PTPRQ: variants seen among roughly 807,000 people sequenced by gnomAD.
The protein encoded by PTPRQ is phosphatidylinositol phosphatase PTPRQ.
Under a neutral mutation model 246.0 loss-of-function variants are expected in PTPRQ, and 199 were observed. That is an observed-to-expected ratio of 0.81 (90% confidence interval 0.72 to 0.91). The LOEUF is 0.91. PTPRQ is among the 40% of genes least tolerant of loss of function. The probability of loss-of-function intolerance (pLI) is 0.00; values close to 1 mark genes in which losing one functional copy is unlikely to be tolerated. For synonymous variants in PTPRQ, 869 were observed against 853.2 expected, an observed-to-expected ratio of 1.02 and a Z score of -0.32; for missense variants, 2,624 against 2,528.4, an observed-to-expected ratio of 1.04 and a Z score of -0.81.
chr12:80,453,223 C>T (rs1334908678), intron 3 of PTPRQ, among the ~76,000 whole-genome samples: 3 of 152,180 alleles, frequency 2.0e-5, no homozygotes, highest in Non-Finnish European at 4.4e-5. Context: ...CCATCAGCTC[C>T]TTTAAGCACT....
chr12:80,565,582 C>G (rs773700740), intron 25 of PTPRQ, among the ~76,000 whole-genome samples: 31 of 152,062 alleles, frequency 2.0e-4, no homozygotes, highest in Non-Finnish European at 3.8e-4. Context: ...TTCTGGTAAC[C>G]ATATGACGTG....
Position 80,673,278 on chromosome 12 carries a change from G to A in PTPRQ, c.6712G>A (p.Glu2238Lys). 1 of 1,550,242 alleles carries A rather than the reference G, an allele frequency of 6.5e-7. No individual in the cohort carries two copies. Among genetic ancestry groups the A allele is most frequent in the Non-Finnish European group, 8.7e-7 (1 of 1,146,124 alleles). The change falls in exon 43 of 45, where the codon GAA (glutamate) becomes AAA (lysine). Residue 2238 changes from glutamate (E) to lysine (K), a missense_variant. Glu to Lys is a moderately conservative substitution (Grantham distance 56). Coordinates refer to ENST00000644991, the MANE Select transcript of PTPRQ (RefSeq NM_001145026.2). ...TGGACTAGTAGCTGAACTGAGAAGT[G>A]AAAGAATGTGCATGGTGCAGAATCT... is the stretch of plus-strand genomic sequence containing the variant. ...IYGLVAELRSERMCMVQNLAQ... is the reference protein window; with the variant it reads ...IYGLVAELRSKRMCMVQNLAQ...
chr12:80,589,792 G>GT (rs975521648), intron 26 of PTPRQ, among the ~76,000 whole-genome samples: 43 of 152,244 alleles, frequency 2.8e-4, no homozygotes, highest in African/African-American at 9.1e-4. Context: ...CTACCCTTCT[G>GT]TTTTTTCTCC....
At chr12:80,637,156 C>A (rs553377866) in intron 35 of PTPRQ, among the ~76,000 whole-genome samples, 1 of 151,872 alleles carries the variant, frequency 6.6e-6, no homozygotes, top group South Asian at 2.1e-4. Context: ...CTACTCCAGC[C>A]TGGGTGACAG....
intron 26 of PTPRQ, among the ~76,000 whole-genome samples, chr12:80,590,600 G>A (rs1038889788): frequency 2.0e-5 from 3 of 149,606 alleles, no homozygotes; most frequent in Admixed American, 6.7e-5. Context: ...CCCGGAAGGC[G>A]GAGCTTGCAG....
chr12:80,465,803 CA>C (rs1318934725), intron 6 of PTPRQ, among the ~76,000 whole-genome samples: 2 of 152,136 alleles, frequency 1.3e-5, no homozygotes, highest in Non-Finnish European at 2.9e-5. Flanking sequence ...CAAAATTCAA[CA>C]ACCCTCCATG....
Position 80,534,966 on chromosome 12 carries a change from C to T in PTPRQ, c.2914C>T (p.Pro972Ser). 6.5e-7 allele frequency: 1 copy of T among 1,550,094 alleles called. No individual in the cohort carries two copies. Among genetic ancestry groups the T allele is most frequent in the Non-Finnish European group, 8.7e-7 (1 of 1,146,334 alleles). ...ATCAATAATTCTTTTCTGGACACCTCCTTCAAAACCTAATGGGATTATACA... is the reference window on the plus strand; with the variant it reads ...ATCAATAATTCTTTTCTGGACACCTTCTTCAAAACCTAATGGGATTATACA... Reference protein sequence around the residue: ...SSSIILFWTPPSKPNGIIQYY... With the variant: ...SSSIILFWTPSSKPNGIIQYY... The change falls in exon 19 of 45, where the codon CCT becomes TCT. Residue 972 changes from proline to serine, a missense_variant. Coordinates refer to ENST00000644991, the MANE Select transcript of PTPRQ (RefSeq NM_001145026.2).
intron 17 of PTPRQ, among the ~76,000 whole-genome samples, chr12:80,520,471 T>C (rs1002917291): frequency 4.0e-5 from 6 of 151,846 alleles, no homozygotes; most frequent in African/African-American, 7.3e-5. Flanking sequence ...TAACTCACCA[T>C]TTAACATTAG....
intron 23 of PTPRQ, among the ~76,000 whole-genome samples, chr12:80,543,767 T>A (rs1366524178): frequency 1.3e-5 from 2 of 152,108 alleles, no homozygotes; most frequent in Non-Finnish European, 2.9e-5. Flanking sequence ...ACCAAGATAT[T>A]ACTTTAAAAC....
intron 7 of PTPRQ, among the ~76,000 whole-genome samples, chr12:80,470,629 A>G (rs985355963): frequency 2.0e-4 from 30 of 152,340 alleles, no homozygotes; most frequent in African/African-American, 6.7e-4. Flanking sequence ...GCCTTCAACA[A>G]CAGAAGGGCG....
intron 3 of PTPRQ, among the ~76,000 whole-genome samples, chr12:80,453,346 G>A (rs1301452421): frequency 6.6e-6 from 1 of 152,128 alleles, no homozygotes; most frequent in Non-Finnish European, 1.5e-5. Context: ...TTGATCGTCC[G>A]AAGCCTTCTT....
Position 80,595,106 on chromosome 12 carries a change from G to A in PTPRQ, c.4609+6654G>A, listed in dbSNP as rs554344702. Among the ~76,000 whole-genome samples the A allele has an allele frequency of 2.0e-5, 3 of 151,942 alleles. No homozygotes were observed. The East Asian group carries it at 5.8e-4, about 29-fold the overall frequency. On this transcript the variant is annotated intron_variant, in intron 26 of 44. Coordinates refer to ENST00000644991, the MANE Select transcript of PTPRQ (RefSeq NM_001145026.2). ...TTGTCCTTTCTTTCCTCCTCTTCTG[G>A]TGACCAGCTTTGTTTTCGCTATGTT...
chr12:80,580,084 T>C (rs1429252933), intron 25 of PTPRQ, among the ~76,000 whole-genome samples: 1 of 152,148 alleles, frequency 6.6e-6, no homozygotes, highest in African/African-American at 2.4e-5. Flanking sequence ...TTTGGCAATT[T>C]CTAATAACTG....
intron 17 of PTPRQ, among the ~76,000 whole-genome samples, chr12:80,527,033 A>G (rs1162059315): frequency 7.2e-5 from 11 of 152,276 alleles, no homozygotes; most frequent in African/African-American, 2.6e-4. Flanking sequence ...AAAGCTTGCT[A>G]TACATTAAGC....
In PTPRQ at chr12:80,620,381, G is replaced by A. The variant is rs1898934647; in HGVS notation, c.5612+5G>A. The A allele has an allele frequency of 1.3e-6, 2 of 1,548,386 alleles. No homozygotes were observed. The highest frequency in any genetic ancestry group is 1.4e-5 in the African/African-American group (1 of 72,766). ...GAAACCAAAAAAGCAATACTTGTAAGTATAGGTTATATCTACCATGCATTC... is the reference window on the plus strand; with the variant it reads ...GAAACCAAAAAAGCAATACTTGTAAATATAGGTTATATCTACCATGCATTC... On this transcript the variant is annotated splice_donor_5th_base_variant and intron_variant, in intron 32 of 44. Coordinates refer to ENST00000644991, the MANE Select transcript of PTPRQ (RefSeq NM_001145026.2).
intron 25 of PTPRQ, among the ~76,000 whole-genome samples, chr12:80,575,872 A>AAAAGAAAAAG (rs1565796029): frequency 4.6e-5 from 7 of 151,396 alleles, no homozygotes; most frequent in African/African-American, 1.7e-4. Context: ...AAAGAAAAAG[A>AAAAGAAAAAG]AAAAGAAAAG....
At chr12:80,468,907 C>G in intron 7 of PTPRQ, 69 bp downstream of exon 7, 1 of 1,507,370 alleles carries the variant, frequency 6.6e-7, no homozygotes, top group Non-Finnish European at 8.8e-7. Context: ...CAATATCAAA[C>G]TCTGTTTAAA....
chr12:80,496,362 G>C lies in PTPRQ; in HGVS notation c.2103G>C (p.Val701=), dbSNP rs1378897868. 1 of 1,550,544 alleles carries C rather than the reference G, an allele frequency of 6.4e-7. No individual in the cohort carries two copies. The highest frequency in any genetic ancestry group is 1.4e-5 in the African/African-American group (1 of 72,964). ...ATGGGATCATTATTGCTTATGAAGT[G>C]CTATATAAAAATATAGATACTTTAT... The part of the protein sequence containing the change: ...KPNGIIIAYE[V]LYKNIDTLYM... The change falls in exon 14 of 45, where the codon GTG becomes GTC. Residue 701 remains valine, a synonymous_variant. Transcript: ENST00000644991.
chr12:80,582,096 T>A (rs1897459795), intron 25 of PTPRQ, among the ~76,000 whole-genome samples: 1 of 152,222 alleles, frequency 6.6e-6, no homozygotes, highest in South Asian at 2.1e-4. Context: ...GCTTGTACAT[T>A]ACAGCTTGTT....
Sources: allele counts gnomAD v4.1 joint callset (sites outside exome capture counted in the v4.1 genomes callset), GRCh38; gene constraint gnomAD v4.1.1; transcripts MANE v1.5; gene names NCBI Gene and HGNC (gene_info 2026-07-23, HGNC 2026-07-21).